ZMIZ1: variants seen among roughly 807,000 people sequenced by gnomAD.
ZMIZ1 encodes zinc finger MIZ domain-containing protein 1.
ZMIZ1 carries 17 observed loss-of-function variants against 113.9 expected under a neutral mutation model. The observed-to-expected ratio is 0.15, with a 90% confidence interval of 0.10 to 0.22. The LOEUF is 0.22. Ranked by LOEUF, ZMIZ1 falls within the 10% of genes least tolerant of loss-of-function variation. The probability of loss-of-function intolerance (pLI) is 1.00; values close to 1 mark genes in which losing one functional copy is unlikely to be tolerated. For missense variants in ZMIZ1, 1,059 were observed against 1,477.8 expected, an observed-to-expected ratio of 0.72 and a Z score of 4.65; for synonymous variants, 607 against 603.1, an observed-to-expected ratio of 1.01 and a Z score of -0.09.
At chr10:79,078,717 G>GTCTTTTTTT (rs781149546) in intron 1 of ZMIZ1, among the ~76,000 whole-genome samples, 1 of 53,900 alleles carries the variant, frequency 1.9e-5, no homozygotes, top group African/African-American at 7.8e-5. Context: ...GCTAATTTTT[G>GTCTTTTTTT]TATTTTTTTT....
Position 79,314,363 on chromosome 10 carries a change from C to T in ZMIZ1, c.*1614C>T. ...CTCTCCCGTCCGCTGTGGGTGGTCC[C>T]CAGCTCTCCTCTGTGGGTTTTACCG... On this transcript the variant is annotated 3_prime_UTR_variant, in exon 25 of 25. Transcript: ENST00000334512. The T allele has an allele frequency of 2.4e-6, 1 of 414,594 alleles. No individual in the cohort carries two copies. The highest frequency in any genetic ancestry group is 1.7e-5 in the South Asian group (1 of 57,352). 25.7% of individuals were successfully genotyped at this position (414,594 alleles called of 1,614,324 possible).
intron 7 of ZMIZ1, among the ~76,000 whole-genome samples, chr10:79,253,952 C>CT (rs1850716182): frequency 6.6e-6 from 1 of 152,224 alleles, no homozygotes; most frequent in Admixed American, 6.5e-5. Flanking sequence ...GCACCCCACC[C>CT]TTGGGGTTTT....
At chr10:79,127,822 T>C (rs1434428911) in intron 2 of ZMIZ1, among the ~76,000 whole-genome samples, 2 of 152,090 alleles carry the variant, frequency 1.3e-5, no homozygotes, top group Non-Finnish European at 2.9e-5. Flanking sequence ...TCCAGCTGCT[T>C]TAATTGGCTG....
At chr10:79,181,352 G>A (rs977477658) in intron 4 of ZMIZ1, among the ~76,000 whole-genome samples, 24 of 152,222 alleles carry the variant, frequency 1.6e-4, no homozygotes, top group Non-Finnish European at 2.6e-4. Context: ...TGAGCGGCTG[G>A]GCAGATGCAG....
intron 1 of ZMIZ1, among the ~76,000 whole-genome samples, chr10:79,097,405 G>A (rs530929517): frequency 2.0e-5 from 3 of 152,328 alleles, no homozygotes; most frequent in Admixed American, 1.3e-4. Context: ...GGGTGCAAGG[G>A]CTGTCACCAG....
At chr10:79,307,379 C>A in intron 22 of ZMIZ1, 26 bp from the exon 23 acceptor site, 1 of 1,600,666 alleles carries the variant, frequency 6.2e-7, no homozygotes, top group Non-Finnish European at 8.5e-7. Context: ...GTGACCCCCT[C>A]CCCTCCCCAT....
intron 7 of ZMIZ1, among the ~76,000 whole-genome samples, chr10:79,266,550 G>C (rs1005685876): frequency 6.6e-6 from 1 of 152,162 alleles, no homozygotes; most frequent in Admixed American, 6.5e-5. Flanking sequence ...AGGGTGAGTC[G>C]GGCCAGAAGG....
intron 4 of ZMIZ1, among the ~76,000 whole-genome samples, chr10:79,167,390 T>A (rs1240012254): frequency 6.6e-6 from 1 of 152,172 alleles, no homozygotes; most frequent in African/African-American, 2.4e-5. Context: ...TCCTGTTTCA[T>A]CTTGCAGGTG....
Position 79,092,590 on chromosome 10 carries a change from C to A in ZMIZ1, c.-337+23320C>A, listed in dbSNP as rs538202402. ...TAGCATCGCAACACCTCCTTATAAGCCTTGGAACCTCGGCCAAGAGGTTTC... is the reference window on the plus strand; with the variant it reads ...TAGCATCGCAACACCTCCTTATAAGACTTGGAACCTCGGCCAAGAGGTTTC... On this transcript the variant is annotated intron_variant, in intron 1 of 24. Coordinates refer to ENST00000334512, the MANE Select transcript of ZMIZ1 (RefSeq NM_020338.4). 2.6e-5 allele frequency among the ~76,000 whole-genome samples: 4 copies of A among 152,358 alleles called. No homozygotes were observed. In the South Asian group the frequency reaches 8.3e-4, roughly 32 times the overall value.
chr10:79,194,017 G>A (rs1446125819), intron 4 of ZMIZ1, among the ~76,000 whole-genome samples: 2 of 152,210 alleles, frequency 1.3e-5, no homozygotes. Context: ...TGTCTGGGAT[G>A]TCCTCTGGAC....
At chr10:79,097,541 G>A (rs1183603237) in intron 1 of ZMIZ1, among the ~76,000 whole-genome samples, 3 of 152,180 alleles carry the variant, frequency 2.0e-5, no homozygotes, top group African/African-American at 2.4e-5. Context: ...TGACGAACTC[G>A]AGATAATAAT....
chr10:79,264,077 C>T (rs147553022), intron 7 of ZMIZ1, among the ~76,000 whole-genome samples: 1 of 152,342 alleles, frequency 6.6e-6, no homozygotes, highest in African/African-American at 2.4e-5. Flanking sequence ...GAATGGAAAG[C>T]AGGCGCTCAG....
At position 79,080,231 on chromosome 10, in the gene ZMIZ1, G is replaced by A. The variant is rs191809619; in HGVS notation, c.-337+10961G>A. Among the ~76,000 whole-genome samples, 14 of 152,002 alleles carry A rather than the reference G, an allele frequency of 9.2e-5. No homozygotes were observed. In the East Asian group the frequency reaches 1.2e-3, roughly 13 times the overall value. On this transcript the variant is annotated intron_variant, in intron 1 of 24. Coordinates refer to ENST00000334512, the MANE Select transcript of ZMIZ1 (RefSeq NM_020338.4). Reference sequence around the variant, plus strand: ...CTCCGCCTGTCTGCCCTGTGTGCCCGGCATACCTGAGCTCCACAACCTCCC... The same window carrying A: ...CTCCGCCTGTCTGCCCTGTGTGCCCAGCATACCTGAGCTCCACAACCTCCC...
intron 7 of ZMIZ1, among the ~76,000 whole-genome samples, chr10:79,273,749 A>G (rs899500842): frequency 2.6e-5 from 4 of 152,244 alleles, no homozygotes; most frequent in African/African-American, 9.6e-5. Flanking sequence ...TGGAGCTACA[A>G]TTCCTCTCCA....
At chr10:79,107,211 C>A (rs750533140) in intron 1 of ZMIZ1, among the ~76,000 whole-genome samples, 14 of 152,028 alleles carry the variant, frequency 9.2e-5, no homozygotes, top group Non-Finnish European at 1.6e-4. Flanking sequence ...ACTTACAAAG[C>A]CCAGAACTTT....
chr10:79,105,769 A>G (rs1262701614), intron 1 of ZMIZ1, among the ~76,000 whole-genome samples: 1 of 152,274 alleles, frequency 6.6e-6, no homozygotes, highest in Non-Finnish European at 1.5e-5. Flanking sequence ...AGTTCTTTTA[A>G]AAATAAAAGT....
At chr10:79,256,183 G>A (rs1382718643) in intron 7 of ZMIZ1, among the ~76,000 whole-genome samples, 1 of 152,180 alleles carries the variant, frequency 6.6e-6, no homozygotes, top group Non-Finnish European at 1.5e-5. Context: ...TTATACTAAT[G>A]TGTGAGTGGC....
intron 1 of ZMIZ1, among the ~76,000 whole-genome samples, chr10:79,090,649 C>CT (rs1224046890): frequency 2.6e-5 from 4 of 152,238 alleles, no homozygotes; most frequent in African/African-American, 9.6e-5. Flanking sequence ...GCTGGGACTA[C>CT]TAGGCCAAGA....
intron 3 of ZMIZ1, among the ~76,000 whole-genome samples, chr10:79,147,774 G>C (rs1045272492): frequency 6.6e-6 from 1 of 152,180 alleles, no homozygotes; most frequent in African/African-American, 2.4e-5. Context: ...GCCTCTCATG[G>C]ACCAAGCAGG....
Sources: gnomAD v4.1 joint callset for allele counts (sites outside exome capture counted in the v4.1 genomes callset) on GRCh38, gnomAD v4.1.1 for gene constraint, MANE v1.5 for transcripts, NCBI Gene and HGNC (gene_info 2026-07-23, HGNC 2026-07-21) for gene names.